The following SLC8A3 variants were observed in gnomAD, a reference collection of about 807,000 sequenced individuals.
SLC8A3 encodes sodium/calcium exchanger 3.
A neutral mutation model predicts 65.4 loss-of-function variants in SLC8A3; 37 were observed. The observed-to-expected ratio is 0.57, with a 90% CI of 0.44 to 0.74. The LOEUF (loss-of-function observed/expected upper bound fraction) is 0.74, where lower values mean the gene tolerates loss of function less well. SLC8A3 is among the 30% of genes least tolerant of loss of function. The probability of loss-of-function intolerance (pLI) is 0.00; values close to 1 mark genes in which losing one functional copy is unlikely to be tolerated. For synonymous variants in SLC8A3, 461 were observed against 444.5 expected (o/e 1.04, Z -0.47); for missense variants, 1,112 against 1,172.1 (o/e 0.95, Z 0.75).
chr14:70,156,099 C>T (rs773543162), intron 2 of SLC8A3, among the ~76,000 whole-genome samples: 2 of 152,118 alleles, frequency 1.3e-5, no homozygotes, highest in East Asian at 1.9e-4. Context: ...AAAAGGCCTG[C>T]GGTGGGGAGC....
chr14:70,134,912 C>G (rs776112143), intron 2 of SLC8A3, among the ~76,000 whole-genome samples: 4 of 152,198 alleles, frequency 2.6e-5, no homozygotes, highest in Admixed American at 1.3e-4. Context: ...AATAGAGTTA[C>G]TACAGATGTA....
chr14:70,101,677 A>T (rs548514627), intron 2 of SLC8A3, among the ~76,000 whole-genome samples: 35 of 152,330 alleles, frequency 2.3e-4, no homozygotes, highest in African/African-American at 7.7e-4. Flanking sequence ...ACTAGAAATG[A>T]TCTCCCATTG....
At chr14:70,060,311 C>A in intron 3 of SLC8A3, 1 of 235,218 alleles carries the variant, frequency 4.3e-6, no homozygotes, top group Non-Finnish European at 8.4e-6. Context: ...GGCCCCAACC[C>A]CCATCCCAGA....
intron 3 of SLC8A3, chr14:70,059,422 C>T (rs1359966937): frequency 6.6e-6 from 1 of 152,182 alleles, no homozygotes; most frequent in Non-Finnish European, 1.5e-5. Flanking sequence ...TGCTAGGAGG[C>T]TCCCAGCAGC....
In SLC8A3 at chr14:70,048,940, C is replaced by T. The variant is rs144898816; in HGVS notation, c.2216G>A (p.Cys739Tyr). 5.0e-6 allele frequency: 8 copies of T among 1,614,106 alleles called. No individual in the cohort carries two copies. Among genetic ancestry groups the T allele is most frequent in the Non-Finnish European group, 6.8e-6 (8 of 1,180,044 alleles). The change falls in exon 6 of 7, where the codon TGT becomes TAT. Residue 739 changes from cysteine (C) to tyrosine (Y), a missense_variant. Transcript: ENST00000356921. ...GTGGCAGTACTCTGTGGGGGGCACA[C>T]AGGCAAACAGCACCTTCCAGAAGAC... is the stretch of plus-strand genomic sequence containing the variant. ...LTVFWKVLFA[C>Y]VPPTEYCHGW...
At chr14:70,104,053 A>G (rs1162334219) in intron 2 of SLC8A3, among the ~76,000 whole-genome samples, 1 of 152,088 alleles carries the variant, frequency 6.6e-6, no homozygotes, top group Admixed American at 6.5e-5. Context: ...CATTGCATAA[A>G]TAATAACGGA....
chr14:70,178,852 C>G (rs1353403170), intron 1 of SLC8A3, among the ~76,000 whole-genome samples: 3 of 152,106 alleles, frequency 2.0e-5, no homozygotes. Flanking sequence ...TTGCTCCACC[C>G]CTTATAATCT....
At chr14:70,063,797 T>C in intron 2 of SLC8A3, 1 of 1,182,024 alleles carries the variant, frequency 8.5e-7, no homozygotes, top group Admixed American at 1.7e-5. Context: ...AATGTTAGTG[T>C]TAGTGTGGAG....
intron 2 of SLC8A3, among the ~76,000 whole-genome samples, chr14:70,063,211 C>G (rs972276339): frequency 4.6e-5 from 7 of 152,226 alleles, no homozygotes; most frequent in African/African-American, 9.6e-5. Flanking sequence ...ATCTGGAACT[C>G]AAACCTGTAC....
intron 1 of SLC8A3, among the ~76,000 whole-genome samples, chr14:70,179,810 C>T (rs770836159): frequency 6.6e-6 from 1 of 152,196 alleles, no homozygotes; most frequent in Non-Finnish European, 1.5e-5. Flanking sequence ...TTCTCACTCA[C>T]AGGATCTTAT....
intron 2 of SLC8A3, among the ~76,000 whole-genome samples, chr14:70,088,811 T>C (rs114305311): frequency 0.013 from 2,017 of 152,312 alleles, 45 homozygotes; most frequent in African/African-American, 0.045. Flanking sequence ...CTATGCATTC[T>C]TGCCTGCATT....
intron 2 of SLC8A3, among the ~76,000 whole-genome samples, chr14:70,166,032 C>A (rs1373828802): frequency 1.3e-5 from 2 of 152,196 alleles, no homozygotes; most frequent in Non-Finnish European, 2.9e-5. Context: ...AGCCTCACAC[C>A]ATTAAATAGT....
In SLC8A3 at chr14:70,064,559, C is replaced by T. The variant is rs557440604; in HGVS notation, c.1785-3620G>A. Among the ~76,000 whole-genome samples the T allele has an allele frequency of 4.5e-4, 65 of 144,370 alleles. No individual in the cohort carries two copies. In the East Asian group the frequency reaches 0.011, roughly 24 times the overall value. 94.7% of individuals were successfully genotyped at this position (144,370 alleles called of 152,430 possible). ...GGGTCGGGGGTGGTGGTGGCGGCGGCGGGGATGCTGGGGGGAAATTTGGCT... is the reference window on the plus strand; with the variant it reads ...GGGTCGGGGGTGGTGGTGGCGGCGGTGGGGATGCTGGGGGGAAATTTGGCT... On this transcript the variant is annotated intron_variant, in intron 2 of 6. Transcript: ENST00000356921.
intron 1 of SLC8A3, among the ~76,000 whole-genome samples, chr14:70,181,101 C>A (rs1189762522): frequency 6.6e-6 from 1 of 152,198 alleles, no homozygotes; most frequent in Non-Finnish European, 1.5e-5. Context: ...TAAAAGTCAA[C>A]ACATCCAACA....
rs1264752705 is a variant in SLC8A3 at position 70,115,869 on chromosome 14, C to T, written c.1784+50770G>A. Among the ~76,000 whole-genome samples, 6 of 152,282 alleles carry T rather than the reference C, an allele frequency of 3.9e-5. No individual in the cohort carries two copies. The East Asian group carries it at 1.2e-3, about 29-fold the overall frequency. On this transcript the variant is annotated intron_variant, in intron 2 of 6. Coordinates refer to ENST00000356921, the MANE Select transcript of SLC8A3 (RefSeq NM_182932.3). ...TGTCTGAGGCACATTCCAGCTTAAA[C>T]ACCTGTAGATTTCTAGAAAAATCTT...
rs536525692 is a variant in SLC8A3 at position 70,046,565 on chromosome 14, G to A, written c.2390-242C>T. ...GCAGTGATCTGAAAGATTCTGAAGG[G>A]CTTTCCAGTTCTGATATTTACTGAG... On this transcript the variant is annotated intron_variant, in intron 6 of 6. Coordinates refer to ENST00000356921, the MANE Select transcript of SLC8A3 (RefSeq NM_182932.3). This position sits in a 1 kb window ranked among gnomAD's most constrained non-coding sequence, Gnocchi z 4.2. 6 of 464,366 alleles carry A rather than the reference G, an allele frequency of 1.3e-5. No individual in the cohort carries two copies. In the South Asian group the frequency reaches 3.3e-4, roughly 25 times the overall value. 28.8% of individuals were successfully genotyped at this position (464,366 alleles called of 1,614,324 possible).
At chr14:70,130,967 A>G (rs1001826027) in intron 2 of SLC8A3, among the ~76,000 whole-genome samples, 4 of 152,232 alleles carry the variant, frequency 2.6e-5, no homozygotes, top group African/African-American at 9.6e-5. Context: ...GAAATTGTGG[A>G]CCAAACTTGA....
At chr14:70,116,092 T>A (rs995668838) in intron 2 of SLC8A3, among the ~76,000 whole-genome samples, 2 of 151,846 alleles carry the variant, frequency 1.3e-5, no homozygotes, top group African/African-American at 4.8e-5. Context: ...GGCACCCCCC[T>A]CCCCCACAAA....
At chr14:70,176,303 C>T (rs1897907070) in intron 1 of SLC8A3, among the ~76,000 whole-genome samples, 1 of 152,152 alleles carries the variant, frequency 6.6e-6, no homozygotes. Flanking sequence ...TTAAGTCATC[C>T]TCCTGTTGGA....
Sources: gnomAD v4.1 joint callset for allele counts (sites outside exome capture counted in the v4.1 genomes callset) on GRCh38, gnomAD v4.1.1 for gene constraint, Gnocchi (gnomAD v3.1) non-coding constraint, MANE v1.5 for transcripts, NCBI Gene and HGNC (gene_info 2026-07-23, HGNC 2026-07-21) for gene names.